The following DIP2C variants were observed in gnomAD, a reference collection of about 807,000 sequenced individuals.
DIP2C encodes the protein disco-interacting protein 2 homolog C.
DIP2C carries 33 observed loss-of-function variants against 192.4 expected under a neutral mutation model. The ratio of observed to expected loss-of-function variants is 0.17; its 90% CI spans 0.13 to 0.23. DIP2C has a LOEUF of 0.23. DIP2C is among the 10% of genes least tolerant of loss of function. The pLI, the probability that DIP2C is intolerant of heterozygous loss-of-function variation, is 1.00. For synonymous variants in DIP2C, 979 were observed against 864.1 expected, an observed-to-expected ratio of 1.13 and a Z score of -2.33; for missense variants, 1,537 against 2,110.1, an observed-to-expected ratio of 0.73 and a Z score of 5.32.
rs920574741 is a variant in DIP2C at position 614,259 on chromosome 10, T to A, written c.85+75235A>T. Among the ~76,000 whole-genome samples the A allele has an allele frequency of 7.9e-5, 12 of 152,216 alleles. 1 individual carries two copies. The highest frequency in any genetic ancestry group is 3.3e-4 in the Admixed American group (5 of 15,284). On this transcript the variant is annotated intron_variant, in intron 1 of 36. Coordinates refer to ENST00000280886, the MANE Select transcript of DIP2C (RefSeq NM_014974.3). ...CCATCCACACAGAGAAGCCTGCAGTTTTCCTCCAGTGTATGGTGTGGATGA... is the reference window on the plus strand; with the variant it reads ...CCATCCACACAGAGAAGCCTGCAGTATTCCTCCAGTGTATGGTGTGGATGA...
At chr10:688,085 C>A (rs1052928421) in intron 1 of DIP2C, among the ~76,000 whole-genome samples, 1 of 152,190 alleles carries the variant, frequency 6.6e-6, no homozygotes, top group Non-Finnish European at 1.5e-5. Context: ...GCAAATGATA[C>A]ACTCCTTACC....
intron 13 of DIP2C, among the ~76,000 whole-genome samples, chr10:388,194 G>C (rs760453566): frequency 2.7e-4 from 41 of 152,150 alleles, no homozygotes; most frequent in Non-Finnish European, 4.6e-4. Flanking sequence ...GGAGGAAGTG[G>C]ATTTTTGGCA....
chr10:565,918 C>G (rs1228264701), intron 1 of DIP2C, among the ~76,000 whole-genome samples: 1 of 152,152 alleles, frequency 6.6e-6, no homozygotes. Context: ...ATGTGGGCTC[C>G]CGGCTTTGAT....
At chr10:502,653 GCA>G (rs766747642) in intron 1 of DIP2C, among the ~76,000 whole-genome samples, 3 of 152,144 alleles carry the variant, frequency 2.0e-5, no homozygotes, top group Non-Finnish European at 4.4e-5. Flanking sequence ...CCAAGTCACA[GCA>G]CACAGTCAAA....
rs181019656 is a variant in DIP2C at position 583,614 on chromosome 10, G to A, written c.86-97084C>T. 1.3e-3 allele frequency among the ~76,000 whole-genome samples: 191 copies of A among 152,292 alleles called. 4 individuals are homozygous for A. In the East Asian group the frequency reaches 0.033, roughly 27 times the overall value. On this transcript the variant is annotated intron_variant, in intron 1 of 36. Coordinates refer to ENST00000280886, the MANE Select transcript of DIP2C (RefSeq NM_014974.3). ...CTGGGCCTCGCTTTCTGCACTGCCC[G>A]GGGCTGCTCCCGAGACTGTGCTGAA...
intron 9 of DIP2C, among the ~76,000 whole-genome samples, chr10:407,509 G>A (rs182912266): frequency 2.1e-3 from 314 of 152,274 alleles, no homozygotes; most frequent in Non-Finnish European, 3.6e-3. Context: ...GGACTGTCAC[G>A]TTTTTCGGAG....
intron 32 of DIP2C, among the ~76,000 whole-genome samples, chr10:292,613 C>T (rs3125031): frequency 0.76 from 115,381 of 152,172 alleles, 44,828 homozygotes; most frequent in Non-Finnish European, 0.84. Context: ...GCCGTGCAAC[C>T]GAGTGGGGAA....
At chr10:352,415 T>C (rs1351732794) in intron 24 of DIP2C, among the ~76,000 whole-genome samples, 1 of 152,200 alleles carries the variant, frequency 6.6e-6, no homozygotes, top group Non-Finnish European at 1.5e-5. Context: ...AGGGCTGACA[T>C]AAAAACAAAC....
intron 1 of DIP2C, among the ~76,000 whole-genome samples, chr10:592,777 C>A (rs910387100): frequency 6.6e-6 from 1 of 152,050 alleles, no homozygotes; most frequent in African/African-American, 2.4e-5. Context: ...AAAATAAATA[C>A]CATGAGAATA....
At chr10:591,844 G>A (rs1393144933) in intron 1 of DIP2C, among the ~76,000 whole-genome samples, 1 of 152,082 alleles carries the variant, frequency 6.6e-6, no homozygotes, top group Non-Finnish European at 1.5e-5. Flanking sequence ...CTCCTCAGAC[G>A]TCCCACAGTG....
intron 1 of DIP2C, among the ~76,000 whole-genome samples, chr10:496,540 A>G (rs927533779): frequency 6.7e-6 from 1 of 149,800 alleles, no homozygotes; most frequent in Non-Finnish European, 1.5e-5. Flanking sequence ...CAAATACCCC[A>G]AACAACGTGA....
At chr10:512,448 G>A (rs1588351480) in intron 1 of DIP2C, among the ~76,000 whole-genome samples, 1 of 152,232 alleles carries the variant, frequency 6.6e-6, no homozygotes, top group East Asian at 1.9e-4. Context: ...GTGGTGATAT[G>A]TATCTAGTCC....
intron 1 of DIP2C, among the ~76,000 whole-genome samples, chr10:674,822 A>AGG (rs1297852534): frequency 2.0e-5 from 3 of 147,408 alleles, no homozygotes; most frequent in African/African-American, 7.6e-5. Context: ...AGAGAGAGAG[A>AGG]GAGAGAGACC....
At position 652,395 on chromosome 10, in the gene DIP2C, G is replaced by T; in HGVS notation, c.85+37099C>A. 1 of 171,384 alleles carries T rather than the reference G, an allele frequency of 5.8e-6. No homozygotes were observed. The highest frequency in any genetic ancestry group is 1.3e-5 in the Non-Finnish European group (1 of 78,364). The allele number at this position is 171,384 out of a possible 1,614,324, so 10.6% of individuals were successfully genotyped here. On this transcript the variant is annotated intron_variant, in intron 1 of 36. Transcript: ENST00000280886. The surrounding 1 kb of genome is among the most constrained non-coding windows in gnomAD (Gnocchi z 4.5). ...TCCCGGGGTGGGGTGGCGGGGGGGC[G>T]CACTGTGCACCCTCCCAGCTCTCCT...
chr10:305,441 G>A (rs1182306708), intron 32 of DIP2C, among the ~76,000 whole-genome samples: 1 of 152,064 alleles, frequency 6.6e-6, no homozygotes, highest in Non-Finnish European at 1.5e-5. Context: ...CAAGTTTACT[G>A]ATGTACTTCT....
chr10:481,991 G>C (rs567424697), intron 2 of DIP2C, among the ~76,000 whole-genome samples: 1 of 152,226 alleles, frequency 6.6e-6, no homozygotes, highest in Non-Finnish European at 1.5e-5. Flanking sequence ...TTAGCGTTTA[G>C]TAACCACCAC....
At chr10:523,369 C>G (rs1846841435) in intron 1 of DIP2C, among the ~76,000 whole-genome samples, 1 of 145,442 alleles carries the variant, frequency 6.9e-6, no homozygotes, top group African/African-American at 2.6e-5. Context: ...TGCAGGGACT[C>G]TGTGTCACCC....
chr10:406,226 T>C (rs1485331065), intron 9 of DIP2C, among the ~76,000 whole-genome samples: 1 of 152,248 alleles, frequency 6.6e-6, no homozygotes, highest in East Asian at 1.9e-4. Flanking sequence ...AATTAACGTT[T>C]CATTATGTGG....
intron 31 of DIP2C, among the ~76,000 whole-genome samples, chr10:321,542 C>T (rs3132014): frequency 0.36 from 26,877 of 75,538 alleles, 4,170 homozygotes; most frequent in Non-Finnish European, 0.41. Context: ...GGGGCTCCAG[C>T]GAGAGACCGG....
Sources: allele counts gnomAD v4.1 joint callset (sites outside exome capture counted in the v4.1 genomes callset), GRCh38; gene constraint gnomAD v4.1.1; non-coding constraint Gnocchi (gnomAD v3.1); transcripts MANE v1.5; gene names NCBI Gene and HGNC (gene_info 2026-07-23, HGNC 2026-07-21).